Variants in UBE2E2 observed in about 807,000 individuals in gnomAD.
UBE2E2 encodes ubiquitin conjugating enzyme E2 E2.
A neutral mutation model predicts 24.7 loss-of-function variants in UBE2E2; 6 were observed. The ratio of observed to expected loss-of-function variants is 0.24; its 90% CI spans 0.13 to 0.48. UBE2E2 has a LOEUF of 0.48. UBE2E2 is among the 20% of genes least tolerant of loss of function. The pLI, the probability that UBE2E2 is intolerant of heterozygous loss-of-function variation, is 0.99. For synonymous variants in UBE2E2, 104 were observed against 83.6 expected (o/e 1.24, Z -1.33); for missense variants, 169 against 245.0 (o/e 0.69, Z 2.07).
intron 3 of UBE2E2, among the ~76,000 whole-genome samples, chr3:23,434,621 A>G (rs1698142513): frequency 6.6e-6 from 1 of 152,176 alleles, no homozygotes; most frequent in African/African-American, 2.4e-5. Flanking sequence ...TCCTCTCTGT[A>G]AATGTACAAA....
chr3:23,289,032 A>T (rs115433829), intron 3 of UBE2E2, among the ~76,000 whole-genome samples: 1,928 of 152,210 alleles, frequency 0.013, 15 homozygotes, highest in Non-Finnish European at 0.018. Flanking sequence ...GTTACCACTC[A>T]CCTGATGTTT....
chr3:23,495,690 A>T (rs1401188018), intron 3 of UBE2E2, among the ~76,000 whole-genome samples: 1 of 152,182 alleles, frequency 6.6e-6, no homozygotes, highest in Admixed American at 6.5e-5. Flanking sequence ...TGTATTATTC[A>T]TCTGAGTGAG....
intron 3 of UBE2E2, among the ~76,000 whole-genome samples, chr3:23,269,697 A>T (rs1225845099): frequency 6.6e-6 from 1 of 152,220 alleles, no homozygotes; most frequent in African/African-American, 2.4e-5. Flanking sequence ...GAGCAGCAGC[A>T]TCAACAACAG....
intron 3 of UBE2E2, among the ~76,000 whole-genome samples, chr3:23,246,666 T>G (rs35194124): frequency 0.17 from 25,453 of 151,872 alleles, 2,265 homozygotes; most frequent in South Asian, 0.26. Context: ...TTATAGCCAC[T>G]GCACCTGACC....
chr3:23,459,146 G>A (rs184023804), intron 3 of UBE2E2, among the ~76,000 whole-genome samples: 85 of 152,272 alleles, frequency 5.6e-4, no homozygotes, highest in Non-Finnish European at 6.9e-4. Flanking sequence ...ATTGACCTCT[G>A]TTATGTTTTC....
chr3:23,236,519 G>C (rs1280883458), intron 3 of UBE2E2, among the ~76,000 whole-genome samples: 2 of 148,924 alleles, frequency 1.3e-5, no homozygotes, highest in East Asian at 4.0e-4. Flanking sequence ...ACTGAACATA[G>C]CTGTTCAGTG....
At chr3:23,351,089 C>T (rs1042675329) in intron 3 of UBE2E2, among the ~76,000 whole-genome samples, 1 of 152,160 alleles carries the variant, frequency 6.6e-6, no homozygotes, top group Non-Finnish European at 1.5e-5. Flanking sequence ...ATTCAACATT[C>T]CTAAAGAAAT....
At chr3:23,364,914 TAATCC>T (rs2125335033) in intron 3 of UBE2E2, among the ~76,000 whole-genome samples, 1 of 152,282 alleles carries the variant, frequency 6.6e-6, no homozygotes, top group South Asian at 2.1e-4. Flanking sequence ...ATCAAAAAGT[TAATCC>T]ACTGTGATCA....
At chr3:23,347,693 A>G (rs1288027747) in intron 3 of UBE2E2, among the ~76,000 whole-genome samples, 1 of 152,178 alleles carries the variant, frequency 6.6e-6, no homozygotes, top group African/African-American at 2.4e-5. Context: ...CCTAAAACTT[A>G]AAGTATAATA....
chr3:23,430,573 G>A (rs889079983), intron 3 of UBE2E2, among the ~76,000 whole-genome samples: 1 of 151,948 alleles, frequency 6.6e-6, no homozygotes, highest in Admixed American at 6.6e-5. Flanking sequence ...CTGTCACCCA[G>A]ACTGAAGTGC....
chr3:23,380,585 G>A (rs959141128), intron 3 of UBE2E2, among the ~76,000 whole-genome samples: 10 of 152,096 alleles, frequency 6.6e-5, no homozygotes, highest in Non-Finnish European at 1.5e-4. Flanking sequence ...TAATGCATAG[G>A]CCCTACAGTC....
chr3:23,392,859 A>G (rs997986018), intron 3 of UBE2E2, among the ~76,000 whole-genome samples: 1 of 152,134 alleles, frequency 6.6e-6, no homozygotes, highest in African/African-American at 2.4e-5. Flanking sequence ...TGACAGATTG[A>G]GAAGAGAGAG....
At chr3:23,438,403 G>A (rs1698230127) in intron 3 of UBE2E2, among the ~76,000 whole-genome samples, 1 of 152,194 alleles carries the variant, frequency 6.6e-6, no homozygotes, top group Non-Finnish European at 1.5e-5. Context: ...AGGATTGGCA[G>A]AAATAGTACT....
At chr3:23,206,071 C>T (rs1696137263) in intron 1 of UBE2E2, among the ~76,000 whole-genome samples, 1 of 151,996 alleles carries the variant, frequency 6.6e-6, no homozygotes, top group African/African-American at 2.4e-5. Context: ...ATTGAGGTAC[C>T]CATATATTTG....
intron 4 of UBE2E2, among the ~76,000 whole-genome samples, chr3:23,530,292 C>A (rs376490827): frequency 6.6e-6 from 1 of 152,284 alleles, no homozygotes; most frequent in East Asian, 1.9e-4. Context: ...TCTCCAATAT[C>A]CTTACTAATC....
chr3:23,507,956 A>G (rs58486254), intron 4 of UBE2E2, among the ~76,000 whole-genome samples: 50,129 of 152,038 alleles, frequency 0.33, 9,460 homozygotes, highest in African/African-American at 0.52. Context: ...TAAATAATAA[A>G]TATTGATTTC....
At chr3:23,461,311 G>T (rs779324387) in intron 3 of UBE2E2, among the ~76,000 whole-genome samples, 1 of 151,896 alleles carries the variant, frequency 6.6e-6, no homozygotes, top group Non-Finnish European at 1.5e-5. Flanking sequence ...TCTTGCCACC[G>T]TTAGCCAAGC....
chr3:23,204,643 A>G, intron 1 of UBE2E2: 5 of 963,164 alleles, frequency 5.2e-6, no homozygotes, highest in Non-Finnish European at 6.2e-6. Context: ...GCTGAAATAG[A>G]GTGTTTTCAT....
At chr3:23,378,054 T>C (rs1033128488) in intron 3 of UBE2E2, among the ~76,000 whole-genome samples, 1 of 152,186 alleles carries the variant, frequency 6.6e-6, no homozygotes, top group South Asian at 2.1e-4. Flanking sequence ...ATTTTCTTAA[T>C]CTGCTATAAT....
Sources: gnomAD v4.1 joint callset for allele counts (sites outside exome capture counted in the v4.1 genomes callset) on GRCh38, gnomAD v4.1.1 for gene constraint, MANE v1.5 for transcripts, NCBI Gene and HGNC (gene_info 2026-07-23, HGNC 2026-07-21) for gene names.